The following NRG3 variants were observed in gnomAD, a reference collection of about 807,000 sequenced individuals.
NRG3 encodes neuregulin 3.
NRG3 carries 31 observed loss-of-function variants against 66.9 expected under a neutral mutation model. That is an observed-to-expected ratio of 0.46 (90% CI 0.35 to 0.63). The LOEUF (loss-of-function observed/expected upper bound fraction) is 0.63. Among genes scored for constraint, NRG3 ranks in the 20% least tolerant of loss-of-function variants. The pLI is 0.00. For synonymous variants in NRG3, 393 were observed against 359.4 expected (o/e 1.09, Z -1.06); for missense variants, 910 against 878.9 (o/e 1.04, Z -0.45).
intron 2 of NRG3, among the ~76,000 whole-genome samples, chr10:82,480,338 A>G (rs1158329382): frequency 6.6e-6 from 1 of 152,236 alleles, no homozygotes; most frequent in Non-Finnish European, 1.5e-5. Flanking sequence ...CACATTCAAC[A>G]GGTGATGTTT....
At chr10:82,030,158 TC>T (rs2062497283) in intron 1 of NRG3, among the ~76,000 whole-genome samples, 1 of 152,050 alleles carries the variant, frequency 6.6e-6, no homozygotes, top group African/African-American at 2.4e-5. Flanking sequence ...CTGATCATTC[TC>T]CATAAACAAT....
At position 82,111,870 on chromosome 10, in the gene NRG3, G is replaced by A. The variant is rs575454017; in HGVS notation, c.823+235707G>A. 3.9e-4 allele frequency among the ~76,000 whole-genome samples: 59 copies of A among 152,140 alleles called. 1 individual carries two copies. The East Asian group carries it at 7.7e-3, about 20-fold the overall frequency. On this transcript the variant is annotated intron_variant, in intron 1 of 8. Coordinates refer to ENST00000372141, the MANE Select transcript of NRG3 (RefSeq NM_001010848.4). ...GTGATCAATGTATTTTGTTATTATA[G>A]CACCACAAATCATCTATTTAATAGT...
intron 1 of NRG3, among the ~76,000 whole-genome samples, chr10:82,337,595 C>T (rs917928110): frequency 6.6e-6 from 1 of 152,210 alleles, no homozygotes; most frequent in Non-Finnish European, 1.5e-5. Context: ...ATTTTACTTT[C>T]CCCAGCATTG....
chr10:82,491,316 A>ATATATATATATAT (rs1389375279), intron 2 of NRG3, among the ~76,000 whole-genome samples: 99 of 136,412 alleles, frequency 7.3e-4, no homozygotes, highest in Admixed American at 1.1e-3. Context: ...ATATATATAT[A>ATATATATATATAT]AAATAAAGAT....
At chr10:82,761,498 T>G (rs1239872274) in intron 3 of NRG3, among the ~76,000 whole-genome samples, 5 of 152,068 alleles carry the variant, frequency 3.3e-5, no homozygotes, top group Admixed American at 3.3e-4. Context: ...TAACAAACAT[T>G]TTGTTAGAAA....
At chr10:82,406,556 T>A (rs1222540343) in intron 2 of NRG3, among the ~76,000 whole-genome samples, 1 of 152,178 alleles carries the variant, frequency 6.6e-6, no homozygotes, top group Admixed American at 6.5e-5. Flanking sequence ...GTTTCACACC[T>A]TGCCTTGCAT....
chr10:82,060,120 A>G (rs2064066448), intron 1 of NRG3, among the ~76,000 whole-genome samples: 1 of 152,246 alleles, frequency 6.6e-6, no homozygotes, highest in South Asian at 2.1e-4. Flanking sequence ...TTCATTTCAT[A>G]AATGGTAATT....
chr10:82,696,825 G>T (rs1049036862), intron 2 of NRG3, among the ~76,000 whole-genome samples: 1 of 152,188 alleles, frequency 6.6e-6, no homozygotes, highest in Non-Finnish European at 1.5e-5. Flanking sequence ...GAATCTGACC[G>T]TTTTCAAGTA....
chr10:82,171,242 C>T (rs2072578757), intron 1 of NRG3, among the ~76,000 whole-genome samples: 1 of 152,012 alleles, frequency 6.6e-6, no homozygotes, highest in East Asian at 1.9e-4. Flanking sequence ...TCTTTCTCCC[C>T]TAGTTGCCTG....
At chr10:82,934,034 T>A (rs1847836684) in intron 4 of NRG3, among the ~76,000 whole-genome samples, 1 of 152,218 alleles carries the variant, frequency 6.6e-6, no homozygotes, top group Non-Finnish European at 1.5e-5. Context: ...GGCAATTTAT[T>A]TTCTATCTCT....
intron 3 of NRG3, among the ~76,000 whole-genome samples, chr10:82,772,053 C>T (rs2059731968): frequency 6.6e-6 from 1 of 152,152 alleles, no homozygotes; most frequent in African/African-American, 2.4e-5. Context: ...GTCTCCCAGC[C>T]AACTTCTTTG....
intron 2 of NRG3, among the ~76,000 whole-genome samples, chr10:82,475,612 A>G (rs997612991): frequency 6.6e-6 from 1 of 152,194 alleles, no homozygotes; most frequent in African/African-American, 2.4e-5. Context: ...TCTTTTCAAA[A>G]AATTATATTG....
intron 4 of NRG3, among the ~76,000 whole-genome samples, chr10:82,905,722 C>G (rs146412905): frequency 6.6e-6 from 1 of 152,204 alleles, no homozygotes; most frequent in Non-Finnish European, 1.5e-5. Context: ...CTTCCTTTCT[C>G]TCTAGAATTT....
chr10:82,805,714 A>T (rs1286556346), intron 3 of NRG3, among the ~76,000 whole-genome samples: 1 of 152,160 alleles, frequency 6.6e-6, no homozygotes, highest in Admixed American at 6.5e-5. Context: ...GATGATCTCC[A>T]AGGAGATGTT....
chr10:82,629,537 A>G (rs2049666839), intron 2 of NRG3, among the ~76,000 whole-genome samples: 4 of 152,196 alleles, frequency 2.6e-5, no homozygotes, highest in Admixed American at 2.6e-4. Flanking sequence ...TATACAGGAG[A>G]GACAGAAGTA....
chr10:82,934,006 T>C (rs1847832340), intron 4 of NRG3, among the ~76,000 whole-genome samples: 1 of 152,152 alleles, frequency 6.6e-6, no homozygotes. Context: ...TGGTTTTTAT[T>C]TGAAAAGTGT....
At chr10:82,288,960 C>A (rs1224972726) in intron 1 of NRG3, among the ~76,000 whole-genome samples, 1 of 152,150 alleles carries the variant, frequency 6.6e-6, no homozygotes, top group Non-Finnish European at 1.5e-5. Context: ...GACTTGGGCA[C>A]CTCTTCCCAC....
chr10:82,330,705 G>T (rs2082100300), intron 1 of NRG3, among the ~76,000 whole-genome samples: 1 of 152,146 alleles, frequency 6.6e-6, no homozygotes, highest in Non-Finnish European at 1.5e-5. Context: ...CTCGTTGTAA[G>T]TACAAGTTTG....
intron 1 of NRG3, among the ~76,000 whole-genome samples, chr10:82,041,507 C>A (rs11192265): frequency 0.36 from 55,261 of 151,774 alleles, 11,270 homozygotes; most frequent in South Asian, 0.48. Context: ...TGCTTGCATA[C>A]TGCCCAAAGC....
Sources: gnomAD v4.1 joint callset for allele counts (sites outside exome capture counted in the v4.1 genomes callset) on GRCh38, gnomAD v4.1.1 for gene constraint, MANE v1.5 for transcripts, NCBI Gene and HGNC (gene_info 2026-07-23, HGNC 2026-07-21) for gene names.